Variants in CTNNA3 observed in about 807,000 individuals in gnomAD.
CTNNA3 encodes the protein catenin alpha-3.
A neutral mutation model predicts 95.7 loss-of-function variants in CTNNA3; 76 were observed. The ratio of observed to expected loss-of-function variants is 0.79; its 90% CI spans 0.66 to 0.96. The LOEUF (loss-of-function observed/expected upper bound fraction) is 0.96, where lower values mean the gene tolerates loss of function less well. Ranked by LOEUF, CTNNA3 falls within the 40% of genes least tolerant of loss-of-function variation. The pLI is 0.00. For synonymous variants in CTNNA3, 431 were observed against 374.4 expected (o/e 1.15, Z -1.74); for missense variants, 1,191 against 1,089.8 (o/e 1.09, Z -1.31).
chr10:66,709,719 C>T (rs10509276), intron 9 of CTNNA3, among the ~76,000 whole-genome samples: 16,441 of 151,928 alleles, frequency 0.11, 1,000 homozygotes, highest in East Asian at 0.24. Context: ...TGTTCTTATA[C>T]GTAGGTGACA....
chr10:66,456,144 A>AT lies in CTNNA3; in HGVS notation c.1531+64472_1531+64473insA, dbSNP rs753685860. On this transcript the variant is annotated intron_variant, in intron 11 of 17. Transcript: ENST00000433211. ...CAAATTTAGATTTATTGAAATTCCA[A>AT]ACAAAATCCCAGCAGAACTTTATAG... is the stretch of plus-strand genomic sequence containing the variant. Among the ~76,000 whole-genome samples the AT allele has an allele frequency of 3.4e-3, 515 of 152,306 alleles. 1 individual carries two copies. The highest frequency in any genetic ancestry group is 0.01 in the African/African-American group (416 of 41,578).
chr10:65,960,025 A>T (rs567263265), intron 17 of CTNNA3, among the ~76,000 whole-genome samples: 1 of 152,306 alleles, frequency 6.6e-6, no homozygotes, highest in African/African-American at 2.4e-5. Context: ...AGTGTTGAGA[A>T]AAGTGATTGA....
intron 3 of CTNNA3, among the ~76,000 whole-genome samples, chr10:67,600,776 C>G (rs558406494): frequency 2.6e-5 from 4 of 152,130 alleles, no homozygotes; most frequent in Non-Finnish European, 5.9e-5. Flanking sequence ...AATAGCAATG[C>G]TCATTAAAGA....
intron 6 of CTNNA3, among the ~76,000 whole-genome samples, chr10:67,204,986 GGAGTTGCAAATCTTGT>G (rs1404861407): frequency 6.6e-6 from 1 of 152,146 alleles, no homozygotes. Flanking sequence ...AGTAATTGCG[GGAGTTGCAAATCTTGT>G]GACCTCCAGA....
At chr10:66,317,580 G>T (rs1229971078) in intron 12 of CTNNA3, among the ~76,000 whole-genome samples, 1 of 151,860 alleles carries the variant, frequency 6.6e-6, no homozygotes, top group South Asian at 2.1e-4. Flanking sequence ...GGCTGAGGCA[G>T]GAGAATTATT....
intron 13 of CTNNA3, among the ~76,000 whole-genome samples, chr10:66,146,090 G>A (rs913060675): frequency 1.3e-5 from 2 of 152,140 alleles, no homozygotes; most frequent in African/African-American, 4.8e-5. Flanking sequence ...TTGACCTTGT[G>A]ATCCACCTGC....
intron 13 of CTNNA3, among the ~76,000 whole-genome samples, chr10:66,106,023 C>A (rs1171521217): frequency 1.3e-5 from 2 of 152,046 alleles, no homozygotes; most frequent in African/African-American, 4.8e-5. Context: ...GCCTGACCAA[C>A]ATGGAGAAAC....
intron 4 of CTNNA3, among the ~76,000 whole-genome samples, chr10:67,525,203 G>A (rs1467618398): frequency 2.0e-5 from 3 of 150,362 alleles, no homozygotes; most frequent in Non-Finnish European, 4.4e-5. Flanking sequence ...ACTTTAAAAA[G>A]CTCAGTGAAT....
chr10:67,217,717 T>C (rs1864447786), intron 6 of CTNNA3, among the ~76,000 whole-genome samples: 1 of 152,212 alleles, frequency 6.6e-6, no homozygotes, highest in Non-Finnish European at 1.5e-5. Flanking sequence ...TCTTTAATCC[T>C]AAAATACAGA....
At chr10:66,555,398 A>T (rs1231680979) in intron 10 of CTNNA3, among the ~76,000 whole-genome samples, 3 of 152,174 alleles carry the variant, frequency 2.0e-5, no homozygotes. Flanking sequence ...TACACTTAAG[A>T]TAAACCTTAA....
intron 7 of CTNNA3, among the ~76,000 whole-genome samples, chr10:66,934,670 T>C (rs1847591115): frequency 6.6e-6 from 1 of 152,142 alleles, no homozygotes; most frequent in Admixed American, 6.5e-5. Context: ...TATAGGACTT[T>C]ATGTATAGGG....
At chr10:66,984,321 C>T (rs1472534318) in intron 7 of CTNNA3, among the ~76,000 whole-genome samples, 1 of 152,098 alleles carries the variant, frequency 6.6e-6, no homozygotes, top group African/African-American at 2.4e-5. Flanking sequence ...GAATACCAAA[C>T]ATTATTCTTA....
chr10:66,609,929 T>C (rs1353712762), intron 10 of CTNNA3, among the ~76,000 whole-genome samples: 2 of 152,026 alleles, frequency 1.3e-5, no homozygotes, highest in Non-Finnish European at 2.9e-5. Context: ...ATAAAAAAGA[T>C]TGAGATCATG....
rs764902653 is a variant in CTNNA3, at chr10:66,544,575, A to G, written c.1375-23802T>C. 9.7e-4 allele frequency among the ~76,000 whole-genome samples: 148 copies of G among 152,280 alleles called. 1 individual carries two copies. Among genetic ancestry groups the G allele is most frequent in the Admixed American group, 1.5e-3 (23 of 15,286 alleles). Reference sequence around the variant, plus strand: ...TTTTAGTAATATATCCTAGGTTCAAATTAATAAATCTCTTGATTATTCTGT... The same window carrying G: ...TTTTAGTAATATATCCTAGGTTCAAGTTAATAAATCTCTTGATTATTCTGT... On this transcript the variant is annotated intron_variant, in intron 10 of 17. Transcript: ENST00000433211.
At chr10:67,516,159 T>A (rs1178649039) in intron 5 of CTNNA3, among the ~76,000 whole-genome samples, 2 of 152,160 alleles carry the variant, frequency 1.3e-5, no homozygotes, top group African/African-American at 4.8e-5. Context: ...AGACGGGGTT[T>A]CACCATGTTG....
At chr10:67,025,387 C>G (rs1230094787) in intron 7 of CTNNA3, among the ~76,000 whole-genome samples, 1 of 151,548 alleles carries the variant, frequency 6.6e-6, no homozygotes, top group Admixed American at 6.6e-5. Flanking sequence ...GGCCACATAT[C>G]CAACTTTTTA....
At chr10:66,189,935 A>G (rs1377125669) in intron 13 of CTNNA3, among the ~76,000 whole-genome samples, 1 of 151,714 alleles carries the variant, frequency 6.6e-6, no homozygotes, top group African/African-American at 2.4e-5. Flanking sequence ...TTTTTTTCTG[A>G]ATAGAGTGCA....
chr10:67,289,965 AT>A (rs971689194), intron 5 of CTNNA3, among the ~76,000 whole-genome samples: 12 of 151,668 alleles, frequency 7.9e-5, no homozygotes, highest in African/African-American at 2.9e-4. Flanking sequence ...TGCCAGGCTA[AT>A]TTAAAAAAAA....
intron 14 of CTNNA3, among the ~76,000 whole-genome samples, chr10:66,073,984 G>T (rs866442188): frequency 3.3e-5 from 5 of 152,016 alleles, no homozygotes; most frequent in African/African-American, 9.6e-5. Flanking sequence ...ACAGACACTC[G>T]GAAGCCTCCT....
Sources: allele counts gnomAD v4.1 joint callset (sites outside exome capture counted in the v4.1 genomes callset), GRCh38; gene constraint gnomAD v4.1.1; transcripts MANE v1.5; gene names NCBI Gene and HGNC (gene_info 2026-07-23, HGNC 2026-07-21).